The following DEFB124 variants were observed in gnomAD, a reference collection of about 807,000 sequenced individuals.
The protein encoded by DEFB124 is beta-defensin 124.
For synonymous variants in DEFB124, 38 were observed against 36.5 expected, an observed-to-expected ratio of 1.04 and a Z score of -0.15; for missense variants, 78 against 83.1, an observed-to-expected ratio of 0.94 and a Z score of 0.24.
At position 31,472,985 on chromosome 20, in the gene DEFB124, G is replaced by A. The variant is rs1156482701; in HGVS notation, c.29C>T (p.Ala10Val). MTQLLLFLV[A>V]LLVLGHVPSG... ...TGGCACATGACCCAGAACCAGGAGA[G>A]CCACAAGGAACAGAAGCAGCTGTGT... The change falls in exon 2 of 3, where the codon GCT (alanine) becomes GTT (valine). Residue 10 changes from alanine to valine, a missense_variant. Coordinates refer to ENST00000317676, the MANE Select transcript of DEFB124 (RefSeq NM_001037500.2). 6.2e-7 allele frequency: 1 copy of A among 1,614,054 alleles called. No homozygotes were observed.
chr20:31,471,623 A>C (rs1316801988), intron 2 of DEFB124, among the ~76,000 whole-genome samples: 1 of 144,030 alleles, frequency 6.9e-6, no homozygotes, highest in African/African-American at 2.7e-5. Flanking sequence ...GCTGCCGGGC[A>C]GAGGGGCTCC....
At chr20:31,466,931 T>C (rs1250703967) in intron 2 of DEFB124, among the ~76,000 whole-genome samples, 3 of 152,080 alleles carry the variant, frequency 2.0e-5, no homozygotes, top group Non-Finnish European at 4.4e-5. Context: ...CCATGGTCCC[T>C]GCCCTCAAGG....
intron 1 of DEFB124, among the ~76,000 whole-genome samples, 127 bp downstream of exon 1, chr20:31,474,500 T>C (rs1372496553): frequency 6.6e-6 from 1 of 152,208 alleles, no homozygotes; most frequent in Admixed American, 6.5e-5. Context: ...CTGGTCTCCA[T>C]GGGCTCCACA....
Position 31,472,966 on chromosome 20 carries a change from A to G in DEFB124, c.48T>C (p.His16=). 1.2e-6 allele frequency: 2 copies of G among 1,613,990 alleles called. No individual in the cohort carries two copies. Among genetic ancestry groups the G allele is most frequent in the Non-Finnish European group, 8.5e-7 (1 of 1,180,008 alleles). Residue 16 remains histidine, a synonymous_variant, in exon 2 of 3, where the codon CAT becomes CAC. Coordinates refer to ENST00000317676, the MANE Select transcript of DEFB124 (RefSeq NM_001037500.2). ...LFLVALLVLG[H]VPSGRSEFKR... Reference sequence around the variant, plus strand: ...ACACGATGTTGTTACCTGATGGCACATGACCCAGAACCAGGAGAGCCACAA... The same window carrying G: ...ACACGATGTTGTTACCTGATGGCACGTGACCCAGAACCAGGAGAGCCACAA...
chr20:31,471,333 C>A (rs1179422005), intron 2 of DEFB124, among the ~76,000 whole-genome samples: 5 of 69,996 alleles, frequency 7.1e-5, no homozygotes, highest in Non-Finnish European at 1.6e-4. Context: ...CACCTCCCTC[C>A]CGGACGGGGC....
chr20:31,472,732 A>G, intron 2 of DEFB124: 2 of 472,400 alleles, frequency 4.2e-6, no homozygotes, highest in Non-Finnish European at 7.4e-6. Flanking sequence ...CCATCATAAC[A>G]TAAATGAATA....
chr20:31,468,621 G>A lies in DEFB124; in HGVS notation c.59-2958C>T, dbSNP rs372431352. 2.7e-4 allele frequency among the ~76,000 whole-genome samples: 41 copies of A among 151,830 alleles called. 1 individual carries two copies. In the East Asian group the frequency reaches 7.0e-3, roughly 26 times the overall value. On this transcript the variant is annotated intron_variant, in intron 2 of 2. Transcript: ENST00000317676. Reference sequence around the variant, plus strand: ...CTCCCGAGTAGCTGGGATTACAGGCGCCCACCACCACGCCCAACTAATTTT... The same window carrying A: ...CTCCCGAGTAGCTGGGATTACAGGCACCCACCACCACGCCCAACTAATTTT...
chr20:31,473,633 G>T (rs1313861450), intron 1 of DEFB124, among the ~76,000 whole-genome samples: 5 of 152,164 alleles, frequency 3.3e-5, no homozygotes. Flanking sequence ...AGAAACACCA[G>T]TTCTTTAGCC....
intron 2 of DEFB124, among the ~76,000 whole-genome samples, chr20:31,470,264 C>G (rs1378544075): frequency 7.1e-6 from 1 of 141,466 alleles, no homozygotes; most frequent in Non-Finnish European, 1.5e-5. Context: ...CTGACCCCCC[C>G]ACCTCCCTCC....
intron 2 of DEFB124, among the ~76,000 whole-genome samples, chr20:31,471,162 G>C (rs1425691276): frequency 7.6e-6 from 1 of 131,196 alleles, no homozygotes; most frequent in Non-Finnish European, 1.6e-5. Flanking sequence ...CCTCCCGGAC[G>C]AGGCGGCTGG....
intron 2 of DEFB124, among the ~76,000 whole-genome samples, chr20:31,472,161 G>A (rs1439104434): frequency 1.3e-5 from 2 of 151,610 alleles, no homozygotes; most frequent in East Asian, 1.9e-4. Context: ...GGCACCTCGG[G>A]AGGCCGAGGC....
At chr20:31,471,978 G>C (rs1156554418) in intron 2 of DEFB124, among the ~76,000 whole-genome samples, 1 of 152,136 alleles carries the variant, frequency 6.6e-6, no homozygotes, top group African/African-American at 2.4e-5. Flanking sequence ...AGGCAGAGAC[G>C]CTCCTCACTT....
intron 2 of DEFB124, 147 bp from the exon 3 acceptor site, chr20:31,465,810 C>G: frequency 1.0e-6 from 1 of 969,708 alleles, no homozygotes; most frequent in Non-Finnish European, 1.5e-6. Context: ...GATGAGAGTA[C>G]TGATTACAAG....
At chr20:31,473,892 C>G (rs6057911) in intron 1 of DEFB124, among the ~76,000 whole-genome samples, 30,665 of 152,152 alleles carry the variant, frequency 0.2, 4,219 homozygotes, top group African/African-American at 0.39. Flanking sequence ...AGTTTGAGAA[C>G]CCCTGAGATA....
At chr20:31,470,533 C>T (rs2038325873) in intron 2 of DEFB124, among the ~76,000 whole-genome samples, 1 of 132,308 alleles carries the variant, frequency 7.6e-6, no homozygotes, top group Admixed American at 7.5e-5. Context: ...ACTTCCCGGA[C>T]GGGGCGGCTG....
chr20:31,465,729 A>G, intron 2 of DEFB124, 66 bp from the exon 3 acceptor site: 2 of 1,569,448 alleles, frequency 1.3e-6, no homozygotes, highest in Non-Finnish European at 1.7e-6. Flanking sequence ...ACTGGTCACA[A>G]GTTAGGCCAC....
intron 2 of DEFB124, among the ~76,000 whole-genome samples, chr20:31,470,249 G>C (rs1980205054): frequency 6.8e-6 from 1 of 146,236 alleles, no homozygotes; most frequent in Admixed American, 6.7e-5. Context: ...TGGCCGGGCG[G>C]GGGGCTGACC....
At chr20:31,471,582 C>T (rs1171223305) in intron 2 of DEFB124, among the ~76,000 whole-genome samples, 7 of 148,958 alleles carry the variant, frequency 4.7e-5, no homozygotes, top group African/African-American at 7.5e-5. Flanking sequence ...GGCTGCCGGG[C>T]GGAGACGCTC....
chr20:31,470,898 C>G (rs1980260479), intron 2 of DEFB124, among the ~76,000 whole-genome samples: 1 of 143,228 alleles, frequency 7.0e-6, no homozygotes, highest in African/African-American at 2.6e-5. Context: ...CCCCACCTCC[C>G]TCCCGGACGG....
Sources: allele counts gnomAD v4.1 joint callset (sites outside exome capture counted in the v4.1 genomes callset), GRCh38; gene constraint gnomAD v4.1.1; transcripts MANE v1.5; gene names NCBI Gene and HGNC (gene_info 2026-07-23, HGNC 2026-07-21).